The following IQSEC1 variants were observed in gnomAD, a reference collection of about 807,000 sequenced individuals.
The protein encoded by IQSEC1 is IQ motif and SEC7 domain-containing protein 1.
Under a neutral mutation model 91.0 loss-of-function variants are expected in IQSEC1, and 31 were observed. That is an observed-to-expected ratio of 0.34 (90% CI 0.26 to 0.46). The LOEUF is 0.46. Ranked by LOEUF, IQSEC1 falls within the 20% of genes least tolerant of loss-of-function variation. The probability of loss-of-function intolerance (pLI) is 1.00; values close to 1 mark genes in which losing one functional copy is unlikely to be tolerated. For missense variants in IQSEC1, 1,388 were observed against 1,575.6 expected (o/e 0.88, Z 2.02); for synonymous variants, 699 against 662.6 (o/e 1.05, Z -0.84).
rs769747314 is a variant in IQSEC1, at chr3:13,040,705, C to T, written c.23+32287G>A. ...CCTTTTGCCATGACCCAAAGACACC[C>T]TTCCCTTTTAAAGCCTCTGGGTTTT... On this transcript the variant is annotated intron_variant, in intron 1 of 13. Coordinates refer to ENST00000613206, the MANE Select transcript of IQSEC1 (RefSeq NM_001134382.3). Among the ~76,000 whole-genome samples the T allele has an allele frequency of 4.3e-4, 66 of 152,366 alleles. 1 individual carries two copies. Among genetic ancestry groups the T allele is most frequent in the South Asian group, 2.1e-3 (10 of 4,824 alleles).
At chr3:12,959,129 G>C (rs1700092237) in intron 1 of IQSEC1, among the ~76,000 whole-genome samples, 1 of 152,218 alleles carries the variant, frequency 6.6e-6, no homozygotes, top group Admixed American at 6.5e-5. Context: ...GCAGGAGCCA[G>C]ATCAGAAACC....
chr3:12,997,962 G>T (rs74620911), intron 1 of IQSEC1, among the ~76,000 whole-genome samples: 1 of 152,192 alleles, frequency 6.6e-6, no homozygotes, highest in Non-Finnish European at 1.5e-5. Flanking sequence ...AAGTATTCTT[G>T]TTCCTTAAAG....
chr3:13,150,041 G>A (rs146569981), intron 2 of IQSEC1, among the ~76,000 whole-genome samples: 58 of 152,268 alleles, frequency 3.8e-4, no homozygotes, highest in African/African-American at 1.2e-3. Context: ...AGAAGAATCC[G>A]ACCTGCAGTG....
chr3:13,242,113 C>T (rs1275959755), intron 1 of IQSEC1, among the ~76,000 whole-genome samples: 1 of 152,176 alleles, frequency 6.6e-6, no homozygotes, highest in East Asian at 1.9e-4. Context: ...CAGCAGAGAC[C>T]GTGCCACCTT....
At chr3:13,088,179 C>G (rs1046334527) in intron 2 of IQSEC1, among the ~76,000 whole-genome samples, 1 of 152,166 alleles carries the variant, frequency 6.6e-6, no homozygotes, top group African/African-American at 2.4e-5. Flanking sequence ...ATGTCTGTCC[C>G]GTAACTGCTG....
intron 2 of IQSEC1, among the ~76,000 whole-genome samples, chr3:13,092,577 T>A (rs1705882560): frequency 6.6e-6 from 1 of 152,056 alleles, no homozygotes; most frequent in Non-Finnish European, 1.5e-5. Context: ...AGCGCGTGCC[T>A]GGGTGCTGGG....
At chr3:13,090,249 G>C (rs1165240140) in intron 2 of IQSEC1, among the ~76,000 whole-genome samples, 3 of 151,910 alleles carry the variant, frequency 2.0e-5, no homozygotes, top group East Asian at 3.9e-4. Flanking sequence ...ACAAACTACT[G>C]TATATTTTAA....
At chr3:12,927,781 G>A (rs974055293) in intron 3 of IQSEC1, among the ~76,000 whole-genome samples, 14 of 152,256 alleles carry the variant, frequency 9.2e-5, no homozygotes, top group African/African-American at 3.4e-4. Flanking sequence ...GTGCAGCTGA[G>A]AGGCCTAGTC....
intron 1 of IQSEC1, among the ~76,000 whole-genome samples, chr3:12,956,989 G>A (rs111615628): frequency 3.9e-4 from 60 of 152,342 alleles, no homozygotes; most frequent in African/African-American, 1.4e-3. Context: ...CAGCCAGAGA[G>A]GAAAGGCTCA....
At chr3:13,073,970 G>A (rs777693736), upstream of IQSEC1, among the ~76,000 whole-genome samples, 9 of 152,260 alleles carry the variant, frequency 5.9e-5, no homozygotes, top group Admixed American at 2.6e-4. Context: ...CCCAAAGGGG[G>A]CTGCACGTGG....
At chr3:13,241,286 C>A (rs1695017804) in intron 1 of IQSEC1, among the ~76,000 whole-genome samples, 1 of 152,226 alleles carries the variant, frequency 6.6e-6, no homozygotes, top group Non-Finnish European at 1.5e-5. Flanking sequence ...CAGGCGAAAG[C>A]AGCTTTTAAC....
chr3:13,149,081 G>T (rs1264080351), intron 2 of IQSEC1, among the ~76,000 whole-genome samples: 2 of 152,192 alleles, frequency 1.3e-5, no homozygotes, highest in Non-Finnish European at 2.9e-5. Flanking sequence ...TGCTTACTCT[G>T]TCTGGGCAGT....
intron 1 of IQSEC1, among the ~76,000 whole-genome samples, chr3:13,190,313 C>A (rs578061004): frequency 2.0e-5 from 3 of 152,160 alleles, no homozygotes; most frequent in Admixed American, 2.0e-4. Flanking sequence ...GGCTCACGCC[C>A]GAAATCCCAA....
intron 1 of IQSEC1, among the ~76,000 whole-genome samples, chr3:13,018,173 G>A (rs1366148526): frequency 1.3e-5 from 2 of 152,226 alleles, no homozygotes; most frequent in Admixed American, 6.5e-5. Context: ...CCTAGGCATG[G>A]CCCAGGCTGG....
chr3:12,907,015 C>G (rs1465657206), intron 12 of IQSEC1, among the ~76,000 whole-genome samples: 3 of 152,178 alleles, frequency 2.0e-5, no homozygotes, highest in Non-Finnish European at 4.4e-5. Context: ...ACATCAGTGA[C>G]TGTCATGACA....
intron 1 of IQSEC1, among the ~76,000 whole-genome samples, chr3:13,010,901 C>A (rs577883059): frequency 6.6e-6 from 1 of 152,180 alleles, no homozygotes; most frequent in East Asian, 1.9e-4. Flanking sequence ...AAGACTCGAC[C>A]TACAGTTTCT....
At chr3:13,033,502 G>A (rs912840110) in intron 1 of IQSEC1, among the ~76,000 whole-genome samples, 2 of 152,014 alleles carry the variant, frequency 1.3e-5, no homozygotes, top group Non-Finnish European at 2.9e-5. Flanking sequence ...GAGCCAATAG[G>A]AGATGCATAT....
chr3:13,269,840 G>C (rs965532009), intron 1 of IQSEC1, among the ~76,000 whole-genome samples: 4 of 152,248 alleles, frequency 2.6e-5, no homozygotes, highest in African/African-American at 4.8e-5. Flanking sequence ...CTCCCAGGGA[G>C]GGTGGAGGCC....
At chr3:12,902,398 G>A (rs895880209) in intron 13 of IQSEC1, among the ~76,000 whole-genome samples, 1 of 151,540 alleles carries the variant, frequency 6.6e-6, no homozygotes, top group Admixed American at 6.6e-5. Context: ...AGTGGGAGCC[G>A]GGTGGCCCGG....
Sources: gnomAD v4.1 joint callset for allele counts (sites outside exome capture counted in the v4.1 genomes callset) on GRCh38, gnomAD v4.1.1 for gene constraint, MANE v1.5 for transcripts, NCBI Gene and HGNC (gene_info 2026-07-23, HGNC 2026-07-21) for gene names.